ADAMTS12: variants seen among roughly 807,000 people sequenced by gnomAD.
ADAMTS12 encodes the protein A disintegrin and metalloproteinase with thrombospondin motifs 12.
Under a neutral mutation model 167.8 loss-of-function variants are expected in ADAMTS12, and 118 were observed. The ratio of observed to expected loss-of-function variants is 0.70; its 90% CI spans 0.61 to 0.82. The LOEUF (loss-of-function observed/expected upper bound fraction) is 0.82. ADAMTS12 is among the 40% of genes least tolerant of loss of function. The probability of loss-of-function intolerance (pLI) is 0.00; values close to 1 mark genes in which losing one functional copy is unlikely to be tolerated. For synonymous variants in ADAMTS12, 704 were observed against 716.9 expected (o/e 0.98, Z 0.29); for missense variants, 1,916 against 1,998.8 (o/e 0.96, Z 0.79).
At chr5:33,801,514 C>A (rs1747008379) in intron 2 of ADAMTS12, among the ~76,000 whole-genome samples, 1 of 152,154 alleles carries the variant, frequency 6.6e-6, no homozygotes, top group Non-Finnish European at 1.5e-5. Context: ...CAACTTATAA[C>A]CAGGTTCCTC....
At chr5:33,532,388 T>A (rs552625851) in intron 23 of ADAMTS12, among the ~76,000 whole-genome samples, 2 of 152,282 alleles carry the variant, frequency 1.3e-5, no homozygotes, top group Admixed American at 6.5e-5. Context: ...TGAGATCCTA[T>A]TCATCTGGCA....
rs200684743 is a variant in ADAMTS12 at position 33,641,807 on chromosome 5, C to T, written c.1718+3G>A. On this transcript the variant is annotated splice_donor_region_variant and intron_variant, in intron 11 of 23. Transcript: ENST00000504830. ...GAAGGGAAATATATTTATCTGGACT[C>T]ACTCGGGGTTGTTGCAGAGCCTCTC... 23 of 1,606,332 alleles carry T rather than the reference C, an allele frequency of 1.4e-5. No individual in the cohort carries two copies. In the African/African-American group the frequency reaches 2.0e-4, roughly 14 times the overall value.
intron 3 of ADAMTS12, among the ~76,000 whole-genome samples, chr5:33,710,832 A>G (rs1743375762): frequency 6.6e-6 from 1 of 152,196 alleles, no homozygotes; most frequent in Non-Finnish European, 1.5e-5. Flanking sequence ...TATTTCAAAC[A>G]TAGAAAAGAG....
intron 2 of ADAMTS12, among the ~76,000 whole-genome samples, chr5:33,822,950 G>T (rs374414647): frequency 6.6e-6 from 1 of 152,090 alleles, no homozygotes; most frequent in East Asian, 1.9e-4. Flanking sequence ...AAATTAGCCA[G>T]ATGTGATGGT....
intron 3 of ADAMTS12, among the ~76,000 whole-genome samples, chr5:33,736,147 C>G (rs183882725): frequency 2.6e-5 from 4 of 151,624 alleles, no homozygotes; most frequent in Admixed American, 2.6e-4. Context: ...ACTGCAAACT[C>G]TGCCTCCCGG....
rs576882078 is a variant in ADAMTS12, at chr5:33,800,627, A to G, written c.490-49079T>C. ...GTTGTCAGATTTCTTAATCAATTCA[A>G]AAGTATTTTTTTTTTGAGCTCTAGT... On this transcript the variant is annotated intron_variant, in intron 2 of 23. Coordinates refer to ENST00000504830, the MANE Select transcript of ADAMTS12 (RefSeq NM_030955.4). Among the ~76,000 whole-genome samples the G allele has an allele frequency of 7.4e-3, 681 of 91,610 alleles. 4 individuals are homozygous for G. Among genetic ancestry groups the G allele is most frequent in the African/African-American group, 0.034 (659 of 19,140 alleles). The allele number at this position is 91,610 out of a possible 152,430, so 60.1% of individuals were successfully genotyped here.
chr5:33,814,806 G>A (rs1213554471), intron 2 of ADAMTS12, among the ~76,000 whole-genome samples: 3 of 152,180 alleles, frequency 2.0e-5, no homozygotes, highest in African/African-American at 7.2e-5. Flanking sequence ...GTCAACTCAG[G>A]ACTGATAATT....
chr5:33,848,379 C>T (rs1254300650), intron 2 of ADAMTS12, among the ~76,000 whole-genome samples: 3 of 152,020 alleles, frequency 2.0e-5, no homozygotes, highest in African/African-American at 4.8e-5. Context: ...GACAAACAAG[C>T]GACATAGTGA....
At chr5:33,614,486 G>T in intron 15 of ADAMTS12, 110 bp from the exon 16 acceptor site, 1 of 1,321,770 alleles carries the variant, frequency 7.6e-7, no homozygotes, top group Non-Finnish European at 1.1e-6. Flanking sequence ...ATGGGAGCAT[G>T]CATTGGAATA....
intron 3 of ADAMTS12, among the ~76,000 whole-genome samples, chr5:33,707,199 G>A (rs34687950): frequency 0.61 from 93,325 of 151,870 alleles, 29,823 homozygotes; most frequent in Non-Finnish European, 0.69. Context: ...ACCCTCATTC[G>A]CAACTGCTAC....
chr5:33,561,981 G>A (rs1020102241), intron 19 of ADAMTS12, among the ~76,000 whole-genome samples: 1 of 152,176 alleles, frequency 6.6e-6, no homozygotes, highest in Non-Finnish European at 1.5e-5. Flanking sequence ...TCATTATGGT[G>A]TAGATGAAGA....
intron 2 of ADAMTS12, among the ~76,000 whole-genome samples, chr5:33,827,285 A>G (rs1748112055): frequency 6.6e-6 from 1 of 151,540 alleles, no homozygotes; most frequent in African/African-American, 2.4e-5. Flanking sequence ...CATAGCAAGA[A>G]ATGCAGTTAG....
At chr5:33,662,149 G>T in intron 5 of ADAMTS12, 109 bp from the exon 6 acceptor site, 1 of 1,405,108 alleles carries the variant, frequency 7.1e-7, no homozygotes, top group South Asian at 1.3e-5. Flanking sequence ...ATTCAGGGTG[G>T]GTGCATCAGA....
chr5:33,656,860 G>A (rs1741080473), intron 7 of ADAMTS12, among the ~76,000 whole-genome samples: 2 of 152,164 alleles, frequency 1.3e-5, no homozygotes, highest in African/African-American at 4.8e-5. Context: ...GCCTCATCAA[G>A]ATGGCCAGCT....
At chr5:33,586,805 G>T (rs1447367835) in intron 18 of ADAMTS12, among the ~76,000 whole-genome samples, 1 of 152,114 alleles carries the variant, frequency 6.6e-6, no homozygotes, top group African/African-American at 2.4e-5. Flanking sequence ...AATAAGGCAG[G>T]CCAACCAAAT....
At chr5:33,762,638 G>C (rs1463165518) in intron 2 of ADAMTS12, among the ~76,000 whole-genome samples, 2 of 152,126 alleles carry the variant, frequency 1.3e-5, no homozygotes, top group Admixed American at 6.6e-5. Context: ...ATCCATGGAG[G>C]GAGATACAGC....
intron 2 of ADAMTS12, among the ~76,000 whole-genome samples, chr5:33,848,436 A>G (rs1472862116): frequency 1.3e-5 from 2 of 152,198 alleles, no homozygotes; most frequent in Admixed American, 6.5e-5. Context: ...TGTGAATGTG[A>G]AATGTTGAAG....
At chr5:33,562,238 A>T (rs1194082163) in intron 19 of ADAMTS12, among the ~76,000 whole-genome samples, 2 of 152,176 alleles carry the variant, frequency 1.3e-5, no homozygotes, top group Admixed American at 1.3e-4. Flanking sequence ...TTACAGCATG[A>T]TGCTTTTCAT....
intron 7 of ADAMTS12, among the ~76,000 whole-genome samples, chr5:33,652,638 T>C (rs1379388016): frequency 6.6e-6 from 1 of 152,164 alleles, no homozygotes; most frequent in Non-Finnish European, 1.5e-5. Context: ...TTTAATTAAG[T>C]CCCATTTGGT....
Sources: allele counts gnomAD v4.1 joint callset (sites outside exome capture counted in the v4.1 genomes callset), GRCh38; gene constraint gnomAD v4.1.1; transcripts MANE v1.5; gene names NCBI Gene and HGNC (gene_info 2026-07-23, HGNC 2026-07-21).